GABRG1: variants seen among roughly 807,000 people sequenced by gnomAD.
The protein encoded by GABRG1 is gamma-aminobutyric acid receptor subunit gamma-1.
In GABRG1, 49 loss-of-function variants were observed where a neutral mutation model predicts 49.8. That is an observed-to-expected ratio of 0.98 (90% CI 0.78 to 1.25). The LOEUF (loss-of-function observed/expected upper bound fraction) is 1.25. Among genes scored for constraint, GABRG1 ranks in the 50% most tolerant of loss-of-function variants. GABRG1 has a pLI of 0.00. For missense variants in GABRG1, 552 were observed against 552.3 expected, an observed-to-expected ratio of 1.00 and a Z score of 0.01; for synonymous variants, 232 against 185.1, an observed-to-expected ratio of 1.25 and a Z score of -2.06.
At chr4:46,077,373 A>T (rs1047445808) in intron 3 of GABRG1, among the ~76,000 whole-genome samples, 2 of 152,116 alleles carry the variant, frequency 1.3e-5, no homozygotes, top group African/African-American at 2.4e-5. Context: ...ACTATAAAAC[A>T]GTGAGGTTAA....
At chr4:46,077,992 AT>A (rs970827502) in intron 3 of GABRG1, among the ~76,000 whole-genome samples, 8 of 151,634 alleles carry the variant, frequency 5.3e-5, no homozygotes, top group Admixed American at 4.6e-4. Context: ...CTAATATTTA[AT>A]TTTTTCTCTA....
At chr4:46,079,399 T>C (rs1209968281) in intron 3 of GABRG1, among the ~76,000 whole-genome samples, 1 of 151,950 alleles carries the variant, frequency 6.6e-6, no homozygotes, top group Admixed American at 6.6e-5. Context: ...CCAGTTTCAA[T>C]TTCCAGCAGG....
chr4:46,112,010 G>A (rs745363896), intron 1 of GABRG1, among the ~76,000 whole-genome samples: 1 of 151,224 alleles, frequency 6.6e-6, no homozygotes, highest in African/African-American at 2.4e-5. Context: ...TTAAACTGAA[G>A]AGCTTCTGCA....
At chr4:46,090,963 C>T (rs1472233937) in intron 2 of GABRG1, among the ~76,000 whole-genome samples, 1 of 149,978 alleles carries the variant, frequency 6.7e-6, no homozygotes, top group South Asian at 2.1e-4. Flanking sequence ...CATACACACA[C>T]ACACACACAC....
At chr4:46,107,479 C>T (rs79255632) in intron 1 of GABRG1, among the ~76,000 whole-genome samples, 2,890 of 151,022 alleles carry the variant, frequency 0.019, 98 homozygotes, top group African/African-American at 0.066. Context: ...TCCTTCCTTT[C>T]TTGTTTCCTT....
rs76832270 is a variant in GABRG1, at chr4:46,085,056, T to C, written c.254-1003A>G. On this transcript the variant is annotated intron_variant, in intron 2 of 8. Coordinates refer to ENST00000295452, the MANE Select transcript of GABRG1 (RefSeq NM_173536.4). The stretch of plus-strand genomic sequence containing the variant: ...CACTTATAAGTAGTTATAACTGGTA[T>C]AAACAATATACCATTCTTATATAAT... 2.1e-3 allele frequency among the ~76,000 whole-genome samples: 318 copies of C among 151,682 alleles called. 1 individual carries two copies. The highest frequency in any genetic ancestry group is 4.0e-3 in the Non-Finnish European group (269 of 67,662).
intron 5 of GABRG1, 89 bp from the exon 6 acceptor site, chr4:46,058,711 T>A (rs1718553326): frequency 1.0e-6 from 1 of 984,210 alleles, no homozygotes. Flanking sequence ...CTTGGAACTT[T>A]CTCCTCTTTT....
intron 2 of GABRG1, among the ~76,000 whole-genome samples, chr4:46,085,322 G>T (rs1577655588): frequency 6.6e-6 from 1 of 151,408 alleles, no homozygotes; most frequent in Admixed American, 6.6e-5. Flanking sequence ...ATATACATTA[G>T]AAAAATAACT....
At chr4:46,086,452 A>G (rs2109424410) in intron 2 of GABRG1, among the ~76,000 whole-genome samples, 1 of 151,614 alleles carries the variant, frequency 6.6e-6, no homozygotes, top group East Asian at 1.9e-4. Flanking sequence ...TCTTGGACAC[A>G]CTATTCTAAT....
intron 1 of GABRG1, 42 bp downstream of exon 1, chr4:46,123,768 G>A (rs573234028): frequency 1.4e-6 from 2 of 1,385,840 alleles, no homozygotes; most frequent in African/African-American, 2.9e-5. Context: ...GGGGAAAGGG[G>A]TAGATAGCAA....
At chr4:46,106,326 T>C (rs1355897708) in intron 1 of GABRG1, among the ~76,000 whole-genome samples, 1 of 151,400 alleles carries the variant, frequency 6.6e-6, no homozygotes, top group Non-Finnish European at 1.5e-5. Context: ...GGTTGATCAG[T>C]CCTTCACTGG....
intron 2 of GABRG1, among the ~76,000 whole-genome samples, chr4:46,093,304 C>A (rs1452490345): frequency 2.0e-5 from 3 of 151,852 alleles, no homozygotes; most frequent in Non-Finnish European, 4.4e-5. Flanking sequence ...TCATTTGCAA[C>A]AACATGGATA....
At chr4:46,111,409 C>T (rs1720709647) in intron 1 of GABRG1, among the ~76,000 whole-genome samples, 1 of 150,962 alleles carries the variant, frequency 6.6e-6, no homozygotes, top group Admixed American at 6.6e-5. Context: ...TTAAAAAGGC[C>T]ATATCGGACA....
chr4:46,117,713 T>A (rs905647758), intron 1 of GABRG1, among the ~76,000 whole-genome samples: 4 of 144,602 alleles, frequency 2.8e-5, no homozygotes, highest in Non-Finnish European at 6.1e-5. Flanking sequence ...TATACATACA[T>A]GTATATACAT....
chr4:46,065,377 G>A lies in GABRG1; in HGVS notation c.529C>T (p.Leu177=). 1 of 1,597,016 alleles carries A rather than the reference G, an allele frequency of 6.3e-7. No homozygotes were observed. Among genetic ancestry groups the A allele is most frequent in the Non-Finnish European group, 8.6e-7 (1 of 1,164,790 alleles). Residue 177 remains leucine, a synonymous_variant, in exon 4 of 9, where the codon CTG becomes TTG. Transcript: ENST00000295452. ...LLRIWNDGRV[L]YTLRLTINAE... ...AACCAATATTACCTTAGAGTATACAGAACTCGTCCATCATTCCAAATTCGA... is the reference window on the plus strand; with the variant it reads ...AACCAATATTACCTTAGAGTATACAAAACTCGTCCATCATTCCAAATTCGA...
intron 8 of GABRG1, among the ~76,000 whole-genome samples, chr4:46,047,070 T>A (rs963786435): frequency 5.3e-5 from 8 of 152,078 alleles, no homozygotes; most frequent in African/African-American, 1.9e-4. Flanking sequence ...GTGATGACAA[T>A]GTTCTACATC....
intron 3 of GABRG1, among the ~76,000 whole-genome samples, chr4:46,083,180 C>A (rs941550360): frequency 6.6e-6 from 1 of 151,570 alleles, no homozygotes; most frequent in Admixed American, 6.6e-5. Context: ...TAATAAGTCA[C>A]CAAATTCTCA....
At chr4:46,058,451 T>C (rs1718538719) in intron 6 of GABRG1, 34 bp downstream of exon 6, 1 of 1,605,488 alleles carries the variant, frequency 6.2e-7, no homozygotes, top group Non-Finnish European at 8.5e-7. Flanking sequence ...CATTTAATGC[T>C]AGCATCATTT....
intron 3 of GABRG1, among the ~76,000 whole-genome samples, chr4:46,073,958 G>A (rs113122755): frequency 2.1e-3 from 318 of 152,170 alleles, no homozygotes; most frequent in Non-Finnish European, 3.2e-3. Flanking sequence ...CACAGATAAG[G>A]AGGGACTATT....
Sources: gnomAD v4.1 joint callset for allele counts (sites outside exome capture counted in the v4.1 genomes callset) on GRCh38, gnomAD v4.1.1 for gene constraint, MANE v1.5 for transcripts, NCBI Gene and HGNC (gene_info 2026-07-23, HGNC 2026-07-21) for gene names.